The following ZCCHC14 variants were observed in gnomAD, a reference collection of about 807,000 sequenced individuals.
The protein encoded by ZCCHC14 is zinc finger CCHC domain-containing protein 14.
A neutral mutation model predicts 85.0 loss-of-function variants in ZCCHC14; 16 were observed. The observed-to-expected ratio is 0.19, with a 90% CI of 0.13 to 0.29. The LOEUF (loss-of-function observed/expected upper bound fraction) is 0.29, where lower values mean the gene tolerates loss of function less well. Ranked by LOEUF, ZCCHC14 falls within the 10% of genes least tolerant of loss-of-function variation. The probability of loss-of-function intolerance (pLI) is 1.00; values close to 1 mark genes in which losing one functional copy is unlikely to be tolerated. For synonymous variants in ZCCHC14, 775 were observed against 630.7 expected (o/e 1.23, Z -3.43); for missense variants, 1,303 against 1,443.5 (o/e 0.90, Z 1.58).
chr16:87,481,244 A>T (rs1912253489), intron 1 of ZCCHC14, among the ~76,000 whole-genome samples: 1 of 152,168 alleles, frequency 6.6e-6, no homozygotes. Context: ...AAAAGAGTTA[A>T]GGTACCAATG....
At chr16:87,413,886 C>CA (rs1475900748) in intron 10 of ZCCHC14, among the ~76,000 whole-genome samples, 1 of 152,214 alleles carries the variant, frequency 6.6e-6, no homozygotes, top group African/African-American at 2.4e-5. Flanking sequence ...CTCACTGTGG[C>CA]AGTTTCTGGA....
intron 10 of ZCCHC14, among the ~76,000 whole-genome samples, chr16:87,413,572 G>GTT (rs981562784): frequency 6.8e-6 from 1 of 147,836 alleles, no homozygotes; most frequent in Non-Finnish European, 1.5e-5. Flanking sequence ...ATCCTGCCAG[G>GTT]TTTTTTTTTT....
chr16:87,438,538 G>A (rs997724168), intron 2 of ZCCHC14, among the ~76,000 whole-genome samples: 2 of 152,234 alleles, frequency 1.3e-5, no homozygotes, highest in African/African-American at 4.8e-5. Context: ...AATATTCATT[G>A]AGTAACTAAG....
At chr16:87,475,552 TAA>T (rs35771945) in intron 1 of ZCCHC14, among the ~76,000 whole-genome samples, 942 of 91,430 alleles carry the variant, frequency 0.01, 13 homozygotes, top group African/African-American at 0.039. Context: ...GACTCTGTCT[TAA>T]AAAAAAAAAA....
intron 1 of ZCCHC14, among the ~76,000 whole-genome samples, chr16:87,487,483 GCA>G (rs1912560815): frequency 6.6e-6 from 1 of 152,166 alleles, no homozygotes; most frequent in African/African-American, 2.4e-5. Context: ...TGTACTGACA[GCA>G]CAGAGTTCCC....
chr16:87,433,737 GT>G (rs1192950988), intron 2 of ZCCHC14, among the ~76,000 whole-genome samples: 1 of 152,010 alleles, frequency 6.6e-6, no homozygotes, highest in African/African-American at 2.4e-5. Context: ...TGCCTCCTGG[GT>G]TCAAGCGATT....
chr16:87,490,332 C>T (rs1007329884), intron 1 of ZCCHC14, among the ~76,000 whole-genome samples: 2 of 152,220 alleles, frequency 1.3e-5, no homozygotes, highest in African/African-American at 4.8e-5. Flanking sequence ...CTTCAAAGAG[C>T]TTAAAGACAC....
At position 87,410,210 on chromosome 16, in the gene ZCCHC14, TTC is replaced by T. The variant is rs1908370042; in HGVS notation, c.*68_*69del. On this transcript the variant is annotated 3_prime_UTR_variant, in exon 13 of 13. Coordinates refer to ENST00000671377, the MANE Select transcript of ZCCHC14 (RefSeq NM_015144.3). ...AGATTAAGCTCAACAGCAACTAGAC[TTC>T]TCAGTTTTGTATTTAATTTTCCTTA... is the stretch of plus-strand genomic sequence containing the variant. 3.0e-6 allele frequency: 2 copies of T among 659,272 alleles called. No individual in the cohort carries two copies. Among genetic ancestry groups the T allele is most frequent in the Non-Finnish European group, 5.5e-6 (2 of 360,480 alleles). The allele number at this position is 659,272 out of a possible 1,614,324, so 40.8% of individuals were successfully genotyped here. A position where few individuals can be genotyped will look rare whatever the true frequency, so the allele number is the denominator to read the frequency against.
Position 87,412,626 on chromosome 16 carries a change from C to T in ZCCHC14, c.2095G>A (p.Val699Met), listed in dbSNP as rs199556591. 3.0e-5 allele frequency: 48 copies of T among 1,614,210 alleles called. No individual in the cohort carries two copies. In the African/African-American group the frequency reaches 4.8e-4, roughly 16 times the overall value. ...DKSFGSAMMD[V>M]LPASAPHQPV... ...TGGTGGGGTGCGGACGCGGGCAGCA[C>T]GTCCATCATGGCGCTGCCAAAGCTC... The change falls in exon 12 of 13, where the codon GTG becomes ATG. Residue 699 changes from valine to methionine, a missense_variant. Around this residue, in one of 7 missense-constraint regions of ZCCHC14, gnomAD observed 797 missense variants for 730.8 expected, o/e 1.09. Transcript: ENST00000671377.
chr16:87,412,203 T>G lies in ZCCHC14; in HGVS notation c.2518A>C (p.Asn840His), dbSNP rs1425057781. 2.5e-6 allele frequency: 4 copies of G among 1,613,938 alleles called. No individual in the cohort carries two copies. Among genetic ancestry groups the G allele is most frequent in the South Asian group, 1.1e-5 (1 of 91,084 alleles). The change falls in exon 12 of 13, where the codon AAC (asparagine) becomes CAC (histidine). Residue 840 changes from asparagine to histidine, a missense_variant. Asn to His is a moderately conservative substitution (Grantham distance 68). Transcript: ENST00000671377. ...CTGCTGGGAGAGGCAGTGTTGCTGT[T>G]TGCACAGAAGCCACCCTGCAGGGGG... ...VGPLQGGFCA[N>H]SNTASPSSHP... is the part of the protein sequence containing the mutation.
chr16:87,434,934 T>C (rs1909841746), intron 2 of ZCCHC14, among the ~76,000 whole-genome samples: 2 of 136,028 alleles, frequency 1.5e-5, no homozygotes, highest in African/African-American at 5.6e-5. Context: ...GAGGTTGCAG[T>C]GAGCCGATAT....
intron 2 of ZCCHC14, among the ~76,000 whole-genome samples, chr16:87,454,253 C>T (rs1359153003): frequency 2.6e-5 from 4 of 152,172 alleles, no homozygotes; most frequent in African/African-American, 9.7e-5. Flanking sequence ...TACTTCAATA[C>T]TGGCTGAAAA....
At chr16:87,444,055 AAAAAGAAAG>A (rs1910317099) in intron 2 of ZCCHC14, among the ~76,000 whole-genome samples, 1 of 151,588 alleles carries the variant, frequency 6.6e-6, no homozygotes, top group Non-Finnish European at 1.5e-5. Context: ...AAAAAAAAAA[AAAAAGAAAG>A]AAAGAAAAGG....
At chr16:87,445,695 G>A (rs896944519) in intron 2 of ZCCHC14, among the ~76,000 whole-genome samples, 5 of 152,230 alleles carry the variant, frequency 3.3e-5, no homozygotes, top group South Asian at 2.1e-4. Context: ...ATGTGATGAC[G>A]CGCCGACCTG....
In ZCCHC14 at chr16:87,491,780, C is replaced by T; in HGVS notation, c.459G>A (p.Leu153=). 1 of 1,589,216 alleles carries T rather than the reference C, an allele frequency of 6.3e-7. No homozygotes were observed. Among genetic ancestry groups the T allele is most frequent in the Non-Finnish European group, 8.5e-7 (1 of 1,171,238 alleles). Residue 153 remains leucine (L), a synonymous_variant, in exon 1 of 13, where the codon CTG becomes CTA. Coordinates refer to ENST00000671377, the MANE Select transcript of ZCCHC14 (RefSeq NM_015144.3). The surrounding 1 kb of genome is among the most constrained non-coding windows in gnomAD (Gnocchi z 5.9). Reference sequence around the variant, plus strand: ...TCTGGATCTGCGTGAGCTCCTGGCGCAGCACCTGCTTCTGGTGGAAGCTGA... The same window carrying T: ...TCTGGATCTGCGTGAGCTCCTGGCGTAGCACCTGCTTCTGGTGGAAGCTGA... ...PAFSFHQKQV[L]RQELTQIQSS... is the part of the protein sequence containing the mutation.
chr16:87,438,810 G>A (rs1345265094), intron 2 of ZCCHC14, among the ~76,000 whole-genome samples: 4 of 152,088 alleles, frequency 2.6e-5, no homozygotes, highest in South Asian at 2.1e-4. Context: ...TCTTCCTCCC[G>A]CTACAGAGGA....
At position 87,407,835 on chromosome 16, in the gene ZCCHC14, C is replaced by T. The variant is rs948633065; in HGVS notation, c.*2445G>A. 6.6e-6 allele frequency: 1 copy of T among 152,632 alleles called. No individual in the cohort carries two copies. Among genetic ancestry groups the T allele is most frequent in the Non-Finnish European group, 1.5e-5 (1 of 68,042 alleles). 9.5% of individuals were successfully genotyped at this position (152,632 alleles called of 1,614,324 possible). On this transcript the variant is annotated 3_prime_UTR_variant, in exon 13 of 13. Transcript: ENST00000671377. ...TTGGTGGCTTTTGGAGAGATGCATCCGAGCTCGCTGCTGGCAAACTCTCAA... is the reference window on the plus strand; with the variant it reads ...TTGGTGGCTTTTGGAGAGATGCATCTGAGCTCGCTGCTGGCAAACTCTCAA...
At chr16:87,440,451 C>T (rs921379183) in intron 2 of ZCCHC14, among the ~76,000 whole-genome samples, 1 of 152,130 alleles carries the variant, frequency 6.6e-6, no homozygotes, top group African/African-American at 2.4e-5. Context: ...AGGCATGAGC[C>T]ACCGTGCCCA....
rs959071099 is a variant in ZCCHC14, at chr16:87,492,393, G to A, written c.-155C>T. On this transcript the variant is annotated 5_prime_UTR_variant, in exon 1 of 13. Coordinates refer to ENST00000671377, the MANE Select transcript of ZCCHC14 (RefSeq NM_015144.3). This position sits in a 1 kb window ranked among gnomAD's most constrained non-coding sequence, Gnocchi z 6.7. ...CGCGCGGGCGCCGCGGGCCGGGCGG[G>A]CGCCGGGGCGGGGGCGGGGACCGGG... is the stretch of plus-strand genomic sequence containing the variant. Among the ~76,000 whole-genome samples, 16 of 144,646 alleles carry A rather than the reference G, an allele frequency of 1.1e-4. No individual in the cohort carries two copies. Among genetic ancestry groups the A allele is most frequent in the African/African-American group, 3.5e-4 (14 of 40,452 alleles). The allele number at this position is 144,646 out of a possible 152,430, so 94.9% of individuals were successfully genotyped here.
Sources: gnomAD v4.1 joint callset for allele counts (sites outside exome capture counted in the v4.1 genomes callset) on GRCh38, gnomAD v4.1.1 for gene constraint, gnomAD v4.1.1 regional missense constraint, Gnocchi (gnomAD v3.1) non-coding constraint, MANE v1.5 for transcripts, NCBI Gene and HGNC (gene_info 2026-07-23, HGNC 2026-07-21) for gene names.